TNIK: variants seen among roughly 807,000 people sequenced by gnomAD.
TNIK encodes TRAF2 and NCK interacting kinase.
Under a neutral mutation model 191.3 loss-of-function variants are expected in TNIK, and 49 were observed. The observed-to-expected ratio is 0.26, with a 90% CI of 0.20 to 0.32. TNIK has a LOEUF of 0.32. Ranked by LOEUF, TNIK falls within the 10% of genes least tolerant of loss-of-function variation. The pLI, the probability that TNIK is intolerant of heterozygous loss-of-function variation, is 1.00. For synonymous variants in TNIK, 594 were observed against 600.9 expected (o/e 0.99, Z 0.17); for missense variants, 1,155 against 1,702.3 (o/e 0.68, Z 5.66).
At chr3:171,170,076 G>A (rs1389927757) in intron 9 of TNIK, among the ~76,000 whole-genome samples, 1 of 152,194 alleles carries the variant, frequency 6.6e-6, no homozygotes, top group African/African-American at 2.4e-5. Flanking sequence ...TTTGCTGAGT[G>A]TTCTAATGAG....
At chr3:171,439,051 T>A (rs984863899) in intron 1 of TNIK, among the ~76,000 whole-genome samples, 4 of 152,182 alleles carry the variant, frequency 2.6e-5, no homozygotes, top group African/African-American at 9.6e-5. Flanking sequence ...TTTCATGTTT[T>A]AAAATCGGAC....
At chr3:171,094,260 G>A (rs111666919) in intron 22 of TNIK, among the ~76,000 whole-genome samples, 14,841 of 151,610 alleles carry the variant, frequency 0.098, 814 homozygotes, top group Middle Eastern at 0.16. Context: ...TCAGCCTCCC[G>A]AGTAGCTGGG....
intron 12 of TNIK, among the ~76,000 whole-genome samples, chr3:171,143,815 C>T (rs140477279): frequency 6.6e-6 from 1 of 152,190 alleles, no homozygotes; most frequent in Non-Finnish European, 1.5e-5. Flanking sequence ...TTGTACCAGA[C>T]CTTTACTCTT....
At chr3:171,171,015 G>C (rs367615209) in intron 9 of TNIK, among the ~76,000 whole-genome samples, 7 of 152,172 alleles carry the variant, frequency 4.6e-5, no homozygotes, top group Admixed American at 2.0e-4. Flanking sequence ...TTGCACCACT[G>C]TACACTAGCC....
At chr3:171,219,824 G>C (rs1742062381) in intron 3 of TNIK, among the ~76,000 whole-genome samples, 1 of 152,126 alleles carries the variant, frequency 6.6e-6, no homozygotes, top group Non-Finnish European at 1.5e-5. Context: ...CGTTGTGGAA[G>C]ACAGTGTGGC....
chr3:171,295,030 A>G (rs988868463), intron 2 of TNIK, among the ~76,000 whole-genome samples: 6 of 151,992 alleles, frequency 3.9e-5, no homozygotes, highest in African/African-American at 1.4e-4. Context: ...AGAGAGAGGA[A>G]AAAAAAAGAA....
chr3:171,242,290 T>A (rs1057366905), intron 2 of TNIK, among the ~76,000 whole-genome samples: 10 of 152,194 alleles, frequency 6.6e-5, no homozygotes, highest in Non-Finnish European at 8.8e-5. Flanking sequence ...TAAGGACACC[T>A]GCACAAAACA....
chr3:171,137,046 AT>A (rs1730092644), intron 15 of TNIK, among the ~76,000 whole-genome samples: 2 of 152,088 alleles, frequency 1.3e-5, no homozygotes, highest in Admixed American at 1.3e-4. Flanking sequence ...TCACAAAAAA[AT>A]ACATGATCAC....
At chr3:171,247,375 GT>G (rs1277183786) in intron 2 of TNIK, among the ~76,000 whole-genome samples, 1 of 152,244 alleles carries the variant, frequency 6.6e-6, no homozygotes, top group Non-Finnish European at 1.5e-5. Flanking sequence ...TGTAGATGGT[GT>G]TTTGGAGAAT....
intron 1 of TNIK, among the ~76,000 whole-genome samples, chr3:171,391,699 G>A (rs1017152177): frequency 1.3e-5 from 2 of 152,076 alleles, no homozygotes; most frequent in Admixed American, 1.3e-4. Context: ...ATATTTCTTT[G>A]TGAACTTCCA....
Position 171,190,724 on chromosome 3 carries a change from G to A in TNIK, c.481C>T (p.Leu161=), listed in dbSNP as rs1482321095. The A allele has an allele frequency of 1.3e-6, 2 of 1,595,404 alleles. No homozygotes were observed. Among genetic ancestry groups the A allele is most frequent in the Admixed American group, 3.5e-5 (2 of 57,604 alleles). ...AGTTTAACTTCTGCATTTTCAGTCAGCAAGACATTTTGCCCTTTAATATCT... is the reference window on the plus strand; with the variant it reads ...AGTTTAACTTCTGCATTTTCAGTCAACAAGACATTTTGCCCTTTAATATCT... The part of the protein sequence containing the change: ...HRDIKGQNVL[L]TENAEVKLVD... Residue 161 remains leucine, a synonymous_variant, in exon 6 of 33, where the codon CTG becomes TTG. Coordinates refer to ENST00000436636, the MANE Select transcript of TNIK (RefSeq NM_015028.4).
At chr3:171,179,705 C>A (rs577324611) in intron 7 of TNIK, among the ~76,000 whole-genome samples, 53 of 152,314 alleles carry the variant, frequency 3.5e-4, no homozygotes, top group African/African-American at 1.3e-3. Flanking sequence ...CTGCCTCAGC[C>A]TCCCAAAGTG....
chr3:171,086,365 C>A (rs1171962989), intron 24 of TNIK, among the ~76,000 whole-genome samples: 1 of 152,178 alleles, frequency 6.6e-6, no homozygotes, highest in African/African-American at 2.4e-5. Flanking sequence ...TGGAAGATGT[C>A]TGTGAAAGAG....
intron 2 of TNIK, among the ~76,000 whole-genome samples, chr3:171,305,059 A>AAAG (rs2108282355): frequency 6.6e-6 from 1 of 151,752 alleles, no homozygotes; most frequent in African/African-American, 2.4e-5. Context: ...GGAAAAAAAA[A>AAAG]AAGGAAAAAG....
At chr3:171,111,181 G>A (rs1443988016) in intron 18 of TNIK, among the ~76,000 whole-genome samples, 1 of 152,146 alleles carries the variant, frequency 6.6e-6, no homozygotes, top group Non-Finnish European at 1.5e-5. Context: ...CAGCACTTTG[G>A]AAGGCTCAGG....
intron 2 of TNIK, among the ~76,000 whole-genome samples, chr3:171,348,903 G>A (rs1492861): frequency 0.34 from 51,599 of 151,832 alleles, 10,708 homozygotes; most frequent in African/African-American, 0.6. Context: ...TTTAAATATA[G>A]CTGAAAATAT....
chr3:171,452,378 A>G (rs890025128), intron 1 of TNIK, among the ~76,000 whole-genome samples: 1 of 152,110 alleles, frequency 6.6e-6, no homozygotes, highest in Non-Finnish European at 1.5e-5. Flanking sequence ...GTTCCCTTAC[A>G]TATTCCAGGA....
chr3:171,217,483 T>C (rs1741586726), intron 3 of TNIK, among the ~76,000 whole-genome samples: 1 of 151,900 alleles, frequency 6.6e-6, no homozygotes, highest in East Asian at 1.9e-4. Context: ...GTCACAAACC[T>C]CAACATCACA....
chr3:171,300,080 C>A (rs541470025), intron 2 of TNIK, among the ~76,000 whole-genome samples: 1 of 152,206 alleles, frequency 6.6e-6, no homozygotes, highest in Non-Finnish European at 1.5e-5. Flanking sequence ...AGAAGTCTCA[C>A]AAAGATAAAT....
Sources: gnomAD v4.1 joint callset for allele counts (sites outside exome capture counted in the v4.1 genomes callset) on GRCh38, gnomAD v4.1.1 for gene constraint, MANE v1.5 for transcripts, NCBI Gene and HGNC (gene_info 2026-07-23, HGNC 2026-07-21) for gene names.